The following RPS6KA3 variants were observed in gnomAD, a reference collection of about 807,000 sequenced individuals.
RPS6KA3 encodes ribosomal protein S6 kinase alpha-3.
Under a neutral mutation model 67.2 loss-of-function variants are expected in RPS6KA3, and 4 were observed. The ratio of observed to expected loss-of-function variants is 0.06; its 90% CI spans 0.03 to 0.14. RPS6KA3 has a LOEUF of 0.14. Among genes scored for constraint, RPS6KA3 ranks in the 10% least tolerant of loss-of-function variants. The pLI, the probability that RPS6KA3 is intolerant of heterozygous loss-of-function variation, is 1.00. For missense variants in RPS6KA3, 204 were observed against 559.0 expected, an observed-to-expected ratio of 0.36 and a Z score of 6.40; for synonymous variants, 182 against 183.7, an observed-to-expected ratio of 0.99 and a Z score of 0.07.
chrX:20,157,515 A>C (rs2067215424), intron 20 of RPS6KA3, among the ~76,000 whole-genome samples: 1 of 109,591 alleles, frequency 9.1e-6, no homozygotes, highest in Non-Finnish European at 1.9e-5. Flanking sequence ...AAAAAAAAAA[A>C]AAAAGACAAA....
intron 4 of RPS6KA3, among the ~76,000 whole-genome samples, chrX:20,199,439 G>A (rs912928012): frequency 1.1e-4 from 12 of 111,625 alleles, no homozygotes; most frequent in Admixed American, 5.7e-4. Context: ...AATGAAAAGC[G>A]ATGGCAGAAA....
At chrX:20,174,825 G>A (rs941920399) in intron 14 of RPS6KA3, among the ~76,000 whole-genome samples, 4 of 111,516 alleles carry the variant, frequency 3.6e-5, no homozygotes, top group Non-Finnish European at 5.7e-5. Flanking sequence ...TGCGATCTCC[G>A]CTCACTGCAA....
At chrX:20,194,346 A>G in intron 5 of RPS6KA3, 78 bp from the exon 6 acceptor site, 5 of 561,462 alleles carry the variant, frequency 8.9e-6, no homozygotes, top group Admixed American at 2.9e-5. Context: ...ATAAATGAAT[A>G]TTTTAACAAA....
chrX:20,240,529 G>A (rs1473732207), intron 1 of RPS6KA3: 8 of 511,063 alleles, frequency 1.6e-5, no homozygotes, highest in African/African-American at 1.3e-4. Flanking sequence ...TAAGAAACAA[G>A]CACTTTATAT....
chrX:20,165,458 C>A (rs1449364876), intron 17 of RPS6KA3, among the ~76,000 whole-genome samples: 6 of 111,530 alleles, frequency 5.4e-5, no homozygotes, highest in African/African-American at 3.3e-5. Context: ...ATGCTAGGAG[C>A]TTACACAGTT....
At chrX:20,241,894 C>A (rs957715968) in intron 1 of RPS6KA3, among the ~76,000 whole-genome samples, 1 of 111,345 alleles carries the variant, frequency 9.0e-6, no homozygotes, top group South Asian at 3.7e-4. Context: ...ATTCTTAGAT[C>A]TGCAAAGTCA....
At chrX:20,188,136 C>A (rs1231698855) in intron 8 of RPS6KA3, among the ~76,000 whole-genome samples, 166 bp from the exon 9 acceptor site, 1 of 111,807 alleles carries the variant, frequency 8.9e-6, no homozygotes, top group Admixed American at 9.5e-5. Flanking sequence ...TACAGTGACG[C>A]CATCTTGGCT....
chrX:20,188,470 T>G (rs752374186), intron 8 of RPS6KA3, 27 bp downstream of exon 8: 28 of 868,875 alleles, frequency 3.2e-5, no homozygotes, highest in Middle Eastern at 3.1e-4. Flanking sequence ...AGAAAATATT[T>G]TAATAAAACG....
intron 19 of RPS6KA3, among the ~76,000 whole-genome samples, chrX:20,162,674 T>C (rs1285400190): frequency 9.1e-6 from 1 of 110,222 alleles, no homozygotes; most frequent in Non-Finnish European, 1.9e-5. Flanking sequence ...CAAGACCCTG[T>C]TTCTACAAAT....
At chrX:20,212,503 AAACAAC>A (rs745657445) in intron 2 of RPS6KA3, among the ~76,000 whole-genome samples, 1 of 110,792 alleles carries the variant, frequency 9.0e-6, no homozygotes, top group Non-Finnish European at 1.9e-5. Flanking sequence ...CACCATCTCA[AAACAAC>A]AACAACAACA....
chrX:20,234,467 C>T (rs965164121), intron 2 of RPS6KA3, among the ~76,000 whole-genome samples: 1 of 111,801 alleles, frequency 8.9e-6, no homozygotes, highest in South Asian at 3.7e-4. Context: ...AAGAACAAAA[C>T]TCCATCTCAA....
At chrX:20,248,687 A>G (rs755749244) in intron 1 of RPS6KA3, among the ~76,000 whole-genome samples, 1 of 111,683 alleles carries the variant, frequency 9.0e-6, no homozygotes, top group East Asian at 2.8e-4. Context: ...TTTTATTTAG[A>G]CATGATCAAA....
intron 3 of RPS6KA3, 83 bp from the exon 4 acceptor site, chrX:20,204,186 TTTA>T (rs769220516): frequency 8.4e-5 from 48 of 573,192 alleles, no homozygotes; most frequent in African/African-American, 7.6e-4. Context: ...TATAATACAG[TTTA>T]TTATTATAAT....
In RPS6KA3 at chrX:20,151,360, G is replaced by A. The variant is rs1326687358; in HGVS notation, c.*4038C>T. ...GGTCACTTGGGGAGACCAGCAAAAT[G>A]TAAGCAACCTGGGGTTGAAAAGAGG... On this transcript the variant is annotated 3_prime_UTR_variant, in exon 22 of 22. Transcript: ENST00000379565. The A allele has an allele frequency of 3.5e-5, 4 of 112,768 alleles. No homozygotes were observed. Among genetic ancestry groups the A allele is most frequent in the African/African-American group, 1.3e-4 (4 of 30,928 alleles). 9.3% of individuals were successfully genotyped at this position (112,768 alleles called of 1,213,427 possible). A position where few individuals can be genotyped will look rare whatever the true frequency, so the allele number is the denominator to read the frequency against.
At chrX:20,194,321 T>C in intron 5 of RPS6KA3, 53 bp from the exon 6 acceptor site, 1 of 700,419 alleles carries the variant, frequency 1.4e-6, no homozygotes, top group South Asian at 2.4e-5. Context: ...TTTTTAGGTT[T>C]ACATTAGGTC....
At chrX:20,205,406 C>T (rs1000080261) in intron 3 of RPS6KA3, among the ~76,000 whole-genome samples, 8 of 112,566 alleles carry the variant, frequency 7.1e-5, no homozygotes, top group Non-Finnish European at 1.5e-4. Flanking sequence ...GCTATTAGCA[C>T]AAAATTAAAA....
At chrX:20,190,266 C>T (rs761692741) in intron 7 of RPS6KA3, among the ~76,000 whole-genome samples, 11 of 111,700 alleles carry the variant, frequency 9.8e-5, no homozygotes, top group Non-Finnish European at 1.7e-4. Flanking sequence ...TTTATTACAA[C>T]AGAGTTCTAG....
At chrX:20,239,323 A>G (rs2069493369) in intron 1 of RPS6KA3, among the ~76,000 whole-genome samples, 1 of 111,605 alleles carries the variant, frequency 9.0e-6, no homozygotes, top group African/African-American at 3.2e-5. Flanking sequence ...ACTTCTAAAG[A>G]TGTAATGCAA....
At chrX:20,247,475 T>C (rs2069723120) in intron 1 of RPS6KA3, among the ~76,000 whole-genome samples, 1 of 109,603 alleles carries the variant, frequency 9.1e-6, no homozygotes, top group African/African-American at 3.3e-5. Context: ...TAGAGAAACC[T>C]AAGGAAATTT....
Sources: gnomAD v4.1 joint callset for allele counts (sites outside exome capture counted in the v4.1 genomes callset) on GRCh38, gnomAD v4.1.1 for gene constraint, MANE v1.5 for transcripts, NCBI Gene and HGNC (gene_info 2026-07-23, HGNC 2026-07-21) for gene names.